CNIH3: variants seen among roughly 807,000 people sequenced by gnomAD.
CNIH3 encodes the protein cornichon family AMPA receptor auxiliary protein 3.
A neutral mutation model predicts 24.1 loss-of-function variants in CNIH3; 14 were observed. The observed-to-expected ratio is 0.58, with a 90% CI of 0.38 to 0.91. The LOEUF is 0.91. Ranked by LOEUF, CNIH3 falls within the 40% of genes least tolerant of loss-of-function variation. The probability of loss-of-function intolerance (pLI) is 0.00; values close to 1 mark genes in which losing one functional copy is unlikely to be tolerated. For synonymous variants in CNIH3, 68 were observed against 73.8 expected (o/e 0.92, Z 0.40); for missense variants, 178 against 196.8 (o/e 0.90, Z 0.57).
At position 224,525,673 on chromosome 1, in the gene CNIH3, G is replaced by A. The variant is rs866950217; in HGVS notation, n.343+4346G>A. Among the ~76,000 whole-genome samples, 4 of 152,316 alleles carry A rather than the reference G, an allele frequency of 2.6e-5. No individual in the cohort carries two copies. In the South Asian group the frequency reaches 8.3e-4, roughly 32 times the overall value. On this transcript the variant is annotated intron_variant and non_coding_transcript_variant, in intron 2 of 2. Coordinates refer to the CNIH3 transcript ENST00000470602. ...CCTAGGATAGCATGGAATATAGCAA[G>A]ATCTGTGGTGTTCAAGGGTCAGGGA...
At chr1:224,473,762 A>G (rs184853191) in intron 1 of CNIH3, among the ~76,000 whole-genome samples, 219 of 152,296 alleles carry the variant, frequency 1.4e-3, no homozygotes, top group African/African-American at 5.1e-3. Context: ...CAACAAAGAA[A>G]CATTGGATTT....
rs1284069543 is a variant in CNIH3 at position 224,465,336 on chromosome 1, C to T, written n.203+30474C>T. On this transcript the variant is annotated intron_variant and non_coding_transcript_variant, in intron 1 of 5. Coordinates refer to the CNIH3 transcript ENST00000471578. ...GTTGGTCAGGCTGGTCTCGAACTCC[C>T]GACCTCAGGTCATCTGCCCACCTTG... Among the ~76,000 whole-genome samples, 7 of 152,096 alleles carry T rather than the reference C, an allele frequency of 4.6e-5. No individual in the cohort carries two copies. In the South Asian group the frequency reaches 1.0e-3, roughly 22 times the overall value.
At chr1:224,605,119 A>C (rs1317840614) in intron 3 of CNIH3, among the ~76,000 whole-genome samples, 1 of 152,220 alleles carries the variant, frequency 6.6e-6, no homozygotes, top group Non-Finnish European at 1.5e-5. Flanking sequence ...GGTATATGTA[A>C]AATAGGTGAA....
chr1:224,502,432 C>T (rs1486041364), intron 1 of CNIH3, among the ~76,000 whole-genome samples: 1 of 152,172 alleles, frequency 6.6e-6, no homozygotes, highest in Non-Finnish European at 1.5e-5. Context: ...GAGCAAGAGC[C>T]GAAAGCCTTT....
intron 1 of CNIH3, among the ~76,000 whole-genome samples, chr1:224,505,065 T>TTCCTTC (rs1464941360): frequency 1.1e-5 from 1 of 94,508 alleles, no homozygotes; most frequent in Non-Finnish European, 2.2e-5. Flanking sequence ...TTCCTTCCTT[T>TTCCTTC]CTTGTGAGAG....
intron 1 of CNIH3, among the ~76,000 whole-genome samples, chr1:224,641,023 A>G (rs1442431641): frequency 6.6e-6 from 1 of 152,184 alleles, no homozygotes; most frequent in Non-Finnish European, 1.5e-5. Flanking sequence ...CATGTGCTAT[A>G]TTTGCTTCTG....
intron 1 of CNIH3, among the ~76,000 whole-genome samples, chr1:224,629,841 C>G (rs183109644): frequency 2.6e-5 from 4 of 152,122 alleles, no homozygotes; most frequent in African/African-American, 9.7e-5. Flanking sequence ...AACAGCAGGA[C>G]CCACTTCATG....
intron 1 of CNIH3, among the ~76,000 whole-genome samples, chr1:224,660,477 A>G (rs1325891371): frequency 2.0e-5 from 3 of 152,206 alleles, no homozygotes; most frequent in Non-Finnish European, 2.9e-5. Context: ...TTTTCTCAAT[A>G]AGAACACATC....
chr1:224,626,499 A>G (rs143241040), intron 1 of CNIH3, among the ~76,000 whole-genome samples: 1 of 152,348 alleles, frequency 6.6e-6, no homozygotes, highest in East Asian at 1.9e-4. Flanking sequence ...AAAAAACTAA[A>G]AAATATATCT....
rs182500679 is a variant in CNIH3 at position 224,500,115 on chromosome 1, C to T, written n.204-15626C>T. ...ACCTCCTGGGCTCAAGTGATCCTCCCACCTCAGCCTCCTTAGTAGCTGGGA... is the reference window on the plus strand; with the variant it reads ...ACCTCCTGGGCTCAAGTGATCCTCCTACCTCAGCCTCCTTAGTAGCTGGGA... On this transcript the variant is annotated intron_variant and non_coding_transcript_variant, in intron 1 of 5. Transcript: ENST00000471578. Among the ~76,000 whole-genome samples the T allele has an allele frequency of 1.7e-3, 259 of 151,778 alleles. 1 individual carries two copies. Among genetic ancestry groups the T allele is most frequent in the African/African-American group, 5.7e-3 (238 of 41,466 alleles).
chr1:224,505,020 CCCTCCCTCCCTCCCTTCCTTCCTT>C (rs1435183905), intron 1 of CNIH3, among the ~76,000 whole-genome samples: 2 of 105,952 alleles, frequency 1.9e-5, no homozygotes, highest in African/African-American at 8.0e-5. Context: ...CTCCCTCCCT[CCCTCCCTCCCTCCCTTCCTTCCTT>C]CCTTCCTTCC....
In CNIH3 at chr1:224,684,990, G is replaced by T; in HGVS notation, c.198+147G>T. 1 of 774,436 alleles carries T rather than the reference G, an allele frequency of 1.3e-6. No individual in the cohort carries two copies. 48.0% of individuals were successfully genotyped at this position (774,436 alleles called of 1,614,324 possible). On this transcript the variant is annotated intron_variant, in intron 3 of 5. Coordinates refer to ENST00000272133, the MANE Select transcript of CNIH3 (RefSeq NM_152495.2). The surrounding 1 kb of genome is among the most constrained non-coding windows in gnomAD (Gnocchi z 4.2). Reference sequence around the variant, plus strand: ...CAGGGAAAGGGGGAGGTGGGAGCAAGTGATCAGTTCTTTGGAAACCTCCAG... The same window carrying T: ...CAGGGAAAGGGGGAGGTGGGAGCAATTGATCAGTTCTTTGGAAACCTCCAG...
downstream of CNIH3, among the ~76,000 whole-genome samples, chr1:224,589,057 G>C (rs1262558193): frequency 1.3e-5 from 2 of 150,010 alleles, no homozygotes; most frequent in Non-Finnish European, 2.9e-5. Context: ...AGGAGTCTGA[G>C]CTCTGGAAAT....
intron 1 of CNIH3, among the ~76,000 whole-genome samples, chr1:224,627,249 C>T (rs139983871): frequency 7.5e-4 from 114 of 152,130 alleles, no homozygotes; most frequent in African/African-American, 2.6e-3. Flanking sequence ...TGTTTTGAGA[C>T]GAGGTCTGGC....
intron 1 of CNIH3, among the ~76,000 whole-genome samples, chr1:224,462,842 C>G (rs1472863963): frequency 6.7e-6 from 1 of 149,074 alleles, no homozygotes; most frequent in Non-Finnish European, 1.5e-5. Flanking sequence ...GGGCTGGTCT[C>G]AAAACACCTA....
At chr1:224,646,466 C>T (rs1684611840) in intron 1 of CNIH3, among the ~76,000 whole-genome samples, 3 of 152,176 alleles carry the variant, frequency 2.0e-5, no homozygotes, top group African/African-American at 7.2e-5. Context: ...AGTGCAGTGG[C>T]ACAGTCGTGG....
At chr1:224,454,326 G>T (rs1572272317) in intron 1 of CNIH3, 1 of 942,420 alleles carries the variant, frequency 1.1e-6, no homozygotes, top group African/African-American at 1.9e-5. Flanking sequence ...TATTTCTTTT[G>T]CAAAGCTAGG....
chr1:224,593,097 G>A (rs1249570411), downstream of CNIH3, among the ~76,000 whole-genome samples: 3 of 151,176 alleles, frequency 2.0e-5, no homozygotes, highest in East Asian at 3.9e-4. Context: ...GTGGCTAGAG[G>A]TTCTCCCCAC....
chr1:224,662,113 T>A (rs1685389055), intron 1 of CNIH3, among the ~76,000 whole-genome samples: 1 of 152,224 alleles, frequency 6.6e-6, no homozygotes, highest in Non-Finnish European at 1.5e-5. Context: ...ATAATTTTTT[T>A]ACAAAAACAT....
Sources: gnomAD v4.1 joint callset for allele counts (sites outside exome capture counted in the v4.1 genomes callset) on GRCh38, gnomAD v4.1.1 for gene constraint, Gnocchi (gnomAD v3.1) non-coding constraint, MANE v1.5 for transcripts, NCBI Gene and HGNC (gene_info 2026-07-23, HGNC 2026-07-21) for gene names.